BCL2L1: variants seen among roughly 807,000 people sequenced by gnomAD.
The protein encoded by BCL2L1 is BCL2 like 1, also known as bcl-2-like protein 1.
Under a neutral mutation model 18.7 loss-of-function variants are expected in BCL2L1, and 1 was observed. The observed-to-expected ratio is 0.05, with a 90% CI of 0.02 to 0.25. BCL2L1 has a LOEUF of 0.25. BCL2L1 is among the 10% of genes least tolerant of loss of function. BCL2L1 has a pLI of 1.00. For synonymous variants in BCL2L1, 103 were observed against 122.7 expected (o/e 0.84, Z 1.06); for missense variants, 207 against 304.9 (o/e 0.68, Z 2.39).
At chr20:31,722,528 C>G (rs1251050458) in intron 1 of BCL2L1, 90 bp downstream of exon 1, 1 of 230,822 alleles carries the variant, frequency 4.3e-6, no homozygotes, top group Non-Finnish European at 8.3e-6. Flanking sequence ...CCAGCCTTTT[C>G]TACCCCCGTC....
chr20:31,675,158 T>A (rs754394267), intron 2 of BCL2L1, among the ~76,000 whole-genome samples: 7 of 151,898 alleles, frequency 4.6e-5, no homozygotes, highest in Non-Finnish European at 8.8e-5. Context: ...TCCTCTTGGG[T>A]GACTCTGGAG....
chr20:31,681,019 G>A (rs1478048721), intron 2 of BCL2L1, among the ~76,000 whole-genome samples: 2 of 152,208 alleles, frequency 1.3e-5, no homozygotes, highest in African/African-American at 2.4e-5. Context: ...GCAGGAACAC[G>A]CTTGAGGTGC....
chr20:31,693,973 AAC>A (rs1219399980), intron 2 of BCL2L1, among the ~76,000 whole-genome samples: 1 of 152,218 alleles, frequency 6.6e-6, no homozygotes, highest in Non-Finnish European at 1.5e-5. Context: ...AGTGTACTGA[AAC>A]AGTGCAATAC....
intron 2 of BCL2L1, among the ~76,000 whole-genome samples, chr20:31,719,342 T>C (rs1214384086): frequency 6.6e-6 from 1 of 152,152 alleles, no homozygotes; most frequent in Non-Finnish European, 1.5e-5. Flanking sequence ...CCATAACTCC[T>C]ACCCTTAAGG....
intron 2 of BCL2L1, among the ~76,000 whole-genome samples, chr20:31,710,561 A>C (rs759480602): frequency 2.0e-5 from 3 of 152,202 alleles, no homozygotes; most frequent in Non-Finnish European, 4.4e-5. Context: ...TTGGCAATGC[A>C]GTTGGCTAGG....
At chr20:31,682,087 C>T (rs1444714209) in intron 2 of BCL2L1, among the ~76,000 whole-genome samples, 1 of 152,378 alleles carries the variant, frequency 6.6e-6, no homozygotes, top group East Asian at 1.9e-4. Flanking sequence ...AGCATCAGAG[C>T]TGCCGTTGTC....
At chr20:31,690,716 G>A (rs1384913852) in intron 2 of BCL2L1, among the ~76,000 whole-genome samples, 2 of 151,966 alleles carry the variant, frequency 1.3e-5, no homozygotes, top group Non-Finnish European at 2.9e-5. Flanking sequence ...GATTACAGGC[G>A]TGCGCCATGA....
chr20:31,682,628 C>A (rs2040424899), intron 2 of BCL2L1, among the ~76,000 whole-genome samples: 2 of 151,310 alleles, frequency 1.3e-5, no homozygotes, highest in Non-Finnish European at 2.9e-5. Context: ...TTTTCTTTTT[C>A]TTTTTTTGTA....
chr20:31,680,126 G>A lies in BCL2L1; in HGVS notation c.565-14040C>T, dbSNP rs79012800. 1.2e-3 allele frequency among the ~76,000 whole-genome samples: 183 copies of A among 152,308 alleles called. 1 individual carries two copies. In the East Asian group the frequency reaches 0.033, roughly 27 times the overall value. On this transcript the variant is annotated intron_variant, in intron 2 of 2. Coordinates refer to ENST00000307677, the MANE Select transcript of BCL2L1 (RefSeq NM_138578.3). ...TTGAATTCTCAAAATCTTGCAAGTA[G>A]GTGCTGTTCCCATTTTACCAATGAG...
At chr20:31,680,305 C>T (rs1344491054) in intron 2 of BCL2L1, among the ~76,000 whole-genome samples, 2 of 152,096 alleles carry the variant, frequency 1.3e-5, no homozygotes, top group African/African-American at 4.8e-5. Context: ...TTCACCTACC[C>T]AATATTTACT....
At chr20:31,669,027 T>C (rs1316529262) in intron 2 of BCL2L1, among the ~76,000 whole-genome samples, 1 of 152,070 alleles carries the variant, frequency 6.6e-6, no homozygotes, top group Non-Finnish European at 1.5e-5. Context: ...ATGACCACCA[T>C]GCCAGCTTTT....
chr20:31,713,461 G>A, intron 2 of BCL2L1: 6 of 985,364 alleles, frequency 6.1e-6, no homozygotes, highest in Non-Finnish European at 7.2e-6. Context: ...GGCTGGGACA[G>A]GAAGCAGTCC....
At chr20:31,707,934 C>T (rs781332278) in intron 2 of BCL2L1, among the ~76,000 whole-genome samples, 7 of 152,250 alleles carry the variant, frequency 4.6e-5, no homozygotes, top group South Asian at 2.1e-4. Flanking sequence ...TGTCAAATTT[C>T]GTACCTGACT....
intron 2 of BCL2L1, among the ~76,000 whole-genome samples, chr20:31,669,565 G>C (rs2060636077): frequency 6.6e-6 from 1 of 151,140 alleles, no homozygotes; most frequent in Non-Finnish European, 1.5e-5. Flanking sequence ...CCATTCTCCT[G>C]CCTCAGCCCC....
At chr20:31,666,214 G>A in intron 2 of BCL2L1, 128 bp from the exon 3 acceptor site, 1 of 1,228,776 alleles carries the variant, frequency 8.1e-7, no homozygotes, top group Admixed American at 1.9e-5. Flanking sequence ...TGCCCACTCT[G>A]GGCCAGGTAA....
intron 2 of BCL2L1, among the ~76,000 whole-genome samples, chr20:31,694,155 TA>T (rs2061129650): frequency 6.6e-6 from 1 of 152,084 alleles, no homozygotes; most frequent in African/African-American, 2.4e-5. Flanking sequence ...CTGGCACCTG[TA>T]GGGGGGGCTT....
intron 2 of BCL2L1, among the ~76,000 whole-genome samples, chr20:31,718,036 C>G (rs935202695): frequency 6.6e-6 from 1 of 152,218 alleles, no homozygotes; most frequent in African/African-American, 2.4e-5. Flanking sequence ...CTGAGGGAAG[C>G]TGCCCATTCA....
chr20:31,709,840 CAAAAAAA>C (rs56937786), intron 2 of BCL2L1, among the ~76,000 whole-genome samples: 4 of 64,072 alleles, frequency 6.2e-5, no homozygotes, highest in African/African-American at 1.3e-4. Flanking sequence ...GACTCCATCT[CAAAAAAA>C]AAAAAAAAAA....
chr20:31,689,113 C>T (rs2061011534), intron 2 of BCL2L1, among the ~76,000 whole-genome samples: 1 of 149,452 alleles, frequency 6.7e-6, no homozygotes, highest in African/African-American at 2.5e-5. Flanking sequence ...CACAGTGGCT[C>T]ATGCCTGTAA....
Sources: allele counts gnomAD v4.1 joint callset (sites outside exome capture counted in the v4.1 genomes callset), GRCh38; gene constraint gnomAD v4.1.1; transcripts MANE v1.5; gene names NCBI Gene and HGNC (gene_info 2026-07-23, HGNC 2026-07-21).